Variants in ABCC4 observed in about 807,000 individuals in gnomAD.
ABCC4 encodes the protein ATP-binding cassette sub-family C member 4.
In ABCC4, 102 loss-of-function variants were observed where a neutral mutation model predicts 168.5. The ratio of observed to expected loss-of-function variants is 0.61; its 90% CI spans 0.52 to 0.71. The LOEUF is 0.71. Ranked by LOEUF, ABCC4 falls within the 30% of genes least tolerant of loss-of-function variation. The pLI is 0.00. For missense variants in ABCC4, 1,402 were observed against 1,605.8 expected (o/e 0.87, Z 2.17); for synonymous variants, 617 against 590.7 (o/e 1.04, Z -0.65).
chr13:95,069,948 T>A (rs2033670909), intron 25 of ABCC4, among the ~76,000 whole-genome samples: 1 of 152,128 alleles, frequency 6.6e-6, no homozygotes, highest in Admixed American at 6.5e-5. Flanking sequence ...GATGTTACAT[T>A]AAAGAATCTG....
At chr13:95,053,599 A>T (rs1466726439) in intron 26 of ABCC4, 1 of 166,504 alleles carries the variant, frequency 6.0e-6, no homozygotes, top group Non-Finnish European at 1.3e-5. Flanking sequence ...TTGTGCTTCA[A>T]AGCCAAATTA....
At chr13:95,110,306 C>G (rs1428692832) in intron 20 of ABCC4, among the ~76,000 whole-genome samples, 1 of 88,088 alleles carries the variant, frequency 1.1e-5, no homozygotes, top group Non-Finnish European at 2.2e-5. Context: ...AAGACTCTGT[C>G]TCAAAAAAAA....
At chr13:95,216,284 TAA>T (rs1263849947) in intron 4 of ABCC4, among the ~76,000 whole-genome samples, 1 of 152,186 alleles carries the variant, frequency 6.6e-6, no homozygotes, top group Non-Finnish European at 1.5e-5. Flanking sequence ...TGTTATAGTT[TAA>T]AAGAGTTCAC....
Position 95,285,859 on chromosome 13 carries a change from C to G in ABCC4, c.74+15382G>C, listed in dbSNP as rs114752229. ...GGTTCTGGAACAGAAAGCAGCAGAG[C>G]TATGCCTTGTAAAGATAAAGCCTGC... On this transcript the variant is annotated intron_variant, in intron 1 of 30. Transcript: ENST00000645237. Among the ~76,000 whole-genome samples the G allele has an allele frequency of 8.0e-3, 1,217 of 152,218 alleles. 20 individuals carry two copies. Among genetic ancestry groups the G allele is most frequent in the African/African-American group, 0.028 (1,155 of 41,548 alleles).
At chr13:95,178,193 T>C in intron 11 of ABCC4, 102 bp from the exon 12 acceptor site, 1 of 1,008,438 alleles carries the variant, frequency 9.9e-7, no homozygotes, top group Non-Finnish European at 1.5e-6. Flanking sequence ...TGCACATTAG[T>C]TCTTCAGAAA....
At chr13:95,072,095 T>C (rs2033745766) in intron 24 of ABCC4, among the ~76,000 whole-genome samples, 1 of 152,320 alleles carries the variant, frequency 6.6e-6, no homozygotes, top group Non-Finnish European at 1.5e-5. Flanking sequence ...ATTTTATTTA[T>C]CCACTTCTCA....
chr13:95,044,238 C>G, intron 28 of ABCC4, 28 bp downstream of exon 28: 1 of 1,567,224 alleles, frequency 6.4e-7, no homozygotes. Context: ...AATGTGGACT[C>G]AAGGTTACAT....
At chr13:95,231,951 T>C (rs2039632087) in intron 4 of ABCC4, among the ~76,000 whole-genome samples, 1 of 152,202 alleles carries the variant, frequency 6.6e-6, no homozygotes, top group African/African-American at 2.4e-5. Flanking sequence ...TAGGGTGTTT[T>C]TAAAGTTTGC....
intron 1 of ABCC4, among the ~76,000 whole-genome samples, chr13:95,295,530 C>T (rs117303709): frequency 2.3e-4 from 35 of 151,884 alleles, no homozygotes; most frequent in Non-Finnish European, 3.8e-4. Flanking sequence ...CAGTGGCGTG[C>T]GCTTGTAGTC....
intron 1 of ABCC4, among the ~76,000 whole-genome samples, chr13:95,275,305 A>T (rs921783874): frequency 6.6e-6 from 1 of 152,146 alleles, no homozygotes; most frequent in Non-Finnish European, 1.5e-5. Context: ...CTTTTTCTTT[A>T]ATTTTTATAA....
At chr13:95,275,400 C>T (rs2040947680) in intron 1 of ABCC4, among the ~76,000 whole-genome samples, 1 of 152,074 alleles carries the variant, frequency 6.6e-6, no homozygotes, top group African/African-American at 2.4e-5. Context: ...GGTAATTATC[C>T]GCAAGCTAAT....
intron 1 of ABCC4, among the ~76,000 whole-genome samples, chr13:95,272,854 C>T (rs903489066): frequency 6.6e-6 from 1 of 152,172 alleles, no homozygotes; most frequent in African/African-American, 2.4e-5. Context: ...CACCATTGCA[C>T]TCCAGCCTGG....
chr13:95,071,745 A>C lies in ABCC4; in HGVS notation c.3127T>G (p.Phe1043Val). ...PAWPHEGVII[F>V]DNVNFMYSPG... ...CTGTACATGAAGTTCACATTGTCAA[A>C]GATTATCACTCCTTCATGGGGCCAG... Residue 1043 changes from phenylalanine (F) to valine (V), a missense_variant, in exon 25 of 31, where the codon TTT (phenylalanine) becomes GTT (valine). Coordinates refer to ENST00000645237, the MANE Select transcript of ABCC4 (RefSeq NM_005845.5). 1.2e-6 allele frequency: 2 copies of C among 1,606,796 alleles called. No individual in the cohort carries two copies. The highest frequency in any genetic ancestry group is 1.7e-6 in the Non-Finnish European group (2 of 1,176,726).
chr13:95,287,601 T>C (rs933049677), intron 1 of ABCC4, among the ~76,000 whole-genome samples: 31 of 151,292 alleles, frequency 2.0e-4, no homozygotes, highest in Non-Finnish European at 4.3e-4. Context: ...AAAAAAAAAC[T>C]TTTTCCTTAA....
chr13:95,189,324 G>A lies in ABCC4; in HGVS notation c.1264-782C>T, dbSNP rs908723314. ...AATTTTTTGTATTTTTAGTAGAGACGGGGTTTCACCGTGGTCTCGATCTCC... is the reference window on the plus strand; with the variant it reads ...AATTTTTTGTATTTTTAGTAGAGACAGGGTTTCACCGTGGTCTCGATCTCC... On this transcript the variant is annotated intron_variant, in intron 9 of 30. Transcript: ENST00000645237. 5.3e-5 allele frequency among the ~76,000 whole-genome samples: 8 copies of A among 150,920 alleles called. No homozygotes were observed. The South Asian group carries it at 8.4e-4, about 16-fold the overall frequency.
chr13:95,244,662 A>C (rs1303435745), intron 3 of ABCC4, among the ~76,000 whole-genome samples: 537 of 19,770 alleles, frequency 0.027, 145 homozygotes, highest in African/African-American at 0.054. Flanking sequence ...AGAAAGAAAG[A>C]AAGAAAGAAA....
intron 13 of ABCC4, among the ~76,000 whole-genome samples, chr13:95,174,659 A>G (rs903212364): frequency 6.6e-6 from 1 of 152,196 alleles, no homozygotes; most frequent in African/African-American, 2.4e-5. Context: ...CAATGAAAAT[A>G]CCTTCCTCCT....
chr13:95,151,662 T>A (rs1330181188), intron 19 of ABCC4, among the ~76,000 whole-genome samples: 1 of 151,020 alleles, frequency 6.6e-6, no homozygotes, highest in East Asian at 1.9e-4. Context: ...GAAGAAATCA[T>A]CATCATCATC....
intron 4 of ABCC4, among the ~76,000 whole-genome samples, chr13:95,212,472 C>T (rs755539553): frequency 1.3e-5 from 2 of 152,196 alleles, no homozygotes; most frequent in South Asian, 2.1e-4. Context: ...CAACACCAAA[C>T]TCTAAGCCTA....
Sources: gnomAD v4.1 joint callset for allele counts (sites outside exome capture counted in the v4.1 genomes callset) on GRCh38, gnomAD v4.1.1 for gene constraint, MANE v1.5 for transcripts, NCBI Gene and HGNC (gene_info 2026-07-23, HGNC 2026-07-21) for gene names.